The following WWTR1 variants were observed in gnomAD, a reference collection of about 807,000 sequenced individuals.
WWTR1 encodes WW domain containing transcription regulator 1.
In WWTR1, 13 loss-of-function variants were observed where a neutral mutation model predicts 40.1. That is an observed-to-expected ratio of 0.32 (90% confidence interval 0.21 to 0.52). The LOEUF (loss-of-function observed/expected upper bound fraction) is 0.52, where lower values mean the gene tolerates loss of function less well. Among genes scored for constraint, WWTR1 ranks in the 20% least tolerant of loss-of-function variants. WWTR1 has a pLI of 0.97. For synonymous variants in WWTR1, 230 were observed against 210.1 expected (o/e 1.09, Z -0.82); for missense variants, 436 against 523.1 (o/e 0.83, Z 1.63).
chr3:149,560,967 C>CA (rs1360191241), intron 3 of WWTR1, among the ~76,000 whole-genome samples: 16 of 149,882 alleles, frequency 1.1e-4, no homozygotes, highest in African/African-American at 3.2e-4. Flanking sequence ...CCCCCCCCCG[C>CA]AAAAAATCCC....
chr3:149,624,423 C>T (rs1388146224), intron 2 of WWTR1, among the ~76,000 whole-genome samples: 3 of 152,222 alleles, frequency 2.0e-5, no homozygotes, highest in Admixed American at 6.5e-5. Context: ...GTGAGCTAGA[C>T]CTCTGTCATC....
At chr3:149,567,050 T>C (rs1284474665) in intron 3 of WWTR1, among the ~76,000 whole-genome samples, 1 of 152,088 alleles carries the variant, frequency 6.6e-6, no homozygotes. Flanking sequence ...GTGAAGTTGT[T>C]ATAGTCTTTA....
At chr3:149,532,141 C>G (rs56660594) in intron 4 of WWTR1, among the ~76,000 whole-genome samples, 122 of 152,288 alleles carry the variant, frequency 8.0e-4, no homozygotes, top group African/African-American at 2.9e-3. Context: ...ATAATAAGAG[C>G]ACCCACCCAA....
intron 1 of WWTR1, among the ~76,000 whole-genome samples, chr3:149,693,692 C>T (rs1388557278): frequency 6.6e-6 from 1 of 152,080 alleles, no homozygotes; most frequent in African/African-American, 2.4e-5. Flanking sequence ...TCAATCTATA[C>T]ATCTACAGTG....
At chr3:149,610,306 T>G (rs548347814) in intron 2 of WWTR1, among the ~76,000 whole-genome samples, 125 of 152,224 alleles carry the variant, frequency 8.2e-4, no homozygotes, top group Non-Finnish European at 1.6e-3. Context: ...TTTGTTTGAT[T>G]TTGTTTCATA....
intron 2 of WWTR1, among the ~76,000 whole-genome samples, chr3:149,611,552 C>A (rs934681436): frequency 6.6e-6 from 1 of 152,174 alleles, no homozygotes; most frequent in African/African-American, 2.4e-5. Context: ...TATGAAAGAA[C>A]TGACATTTGA....
At chr3:149,611,235 G>A (rs1444846525) in intron 2 of WWTR1, among the ~76,000 whole-genome samples, 3 of 152,104 alleles carry the variant, frequency 2.0e-5, no homozygotes, top group Non-Finnish European at 4.4e-5. Context: ...CAAAATGTAC[G>A]CAGAACCAAG....
chr3:149,672,986 TAA>T (rs1451727409), intron 1 of WWTR1, among the ~76,000 whole-genome samples: 3 of 152,034 alleles, frequency 2.0e-5, no homozygotes, highest in Non-Finnish European at 4.4e-5. Context: ...CCTATCTACT[TAA>T]TGAAAAAGAA....
intron 2 of WWTR1, among the ~76,000 whole-genome samples, chr3:149,592,178 C>T (rs887998128): frequency 1.3e-5 from 2 of 152,168 alleles, no homozygotes; most frequent in African/African-American, 4.8e-5. Flanking sequence ...TTATATTCCT[C>T]TCCTAATATT....
At chr3:149,561,687 C>T (rs549925419) in intron 3 of WWTR1, among the ~76,000 whole-genome samples, 8 of 152,274 alleles carry the variant, frequency 5.3e-5, no homozygotes, top group South Asian at 2.1e-4. Context: ...AGTATCTCAA[C>T]GGAGTGGAAC....
intron 3 of WWTR1, among the ~76,000 whole-genome samples, chr3:149,543,595 A>AG (rs1736232623): frequency 6.7e-6 from 1 of 149,400 alleles, no homozygotes; most frequent in Non-Finnish European, 1.5e-5. Context: ...AAAAAAAAAA[A>AG]AAAAAAAAGA....
intron 2 of WWTR1, among the ~76,000 whole-genome samples, chr3:149,640,010 A>AAAAAAGAAAG (rs1553802828): frequency 3.7e-4 from 52 of 140,330 alleles, no homozygotes; most frequent in Non-Finnish European, 6.9e-4. Flanking sequence ...AAAAAAAAAA[A>AAAAAAGAAAG]AAAGAAAGAA....
At chr3:149,575,098 A>G (rs7630736) in intron 2 of WWTR1, among the ~76,000 whole-genome samples, 5 of 131,470 alleles carry the variant, frequency 3.8e-5, no homozygotes, top group Admixed American at 3.8e-4. Context: ...CATCCCCCCC[A>G]AAAAAAAAAG....
rs190938079 is a variant in WWTR1, at chr3:149,655,817, G to A, written c.431+1059C>T. ...CATCAAATATTAGTGCCAAAGAAAG[G>A]CTTGATTAAACTTTTAAAATTGTAC... On this transcript the variant is annotated intron_variant, in intron 2 of 6. Transcript: ENST00000360632. Among the ~76,000 whole-genome samples, 303 of 152,288 alleles carry A rather than the reference G, an allele frequency of 2.0e-3. 3 individuals carry two copies. Among genetic ancestry groups the A allele is most frequent in the Non-Finnish European group, 3.6e-3 (247 of 68,016 alleles).
chr3:149,686,171 C>A (rs115044238), intron 1 of WWTR1, among the ~76,000 whole-genome samples: 4 of 152,134 alleles, frequency 2.6e-5, no homozygotes, highest in Non-Finnish European at 4.4e-5. Flanking sequence ...TGATGCAGTG[C>A]CCCACAATGA....
At chr3:149,601,535 C>G (rs1007339748) in intron 2 of WWTR1, among the ~76,000 whole-genome samples, 1 of 152,096 alleles carries the variant, frequency 6.6e-6, no homozygotes, top group Non-Finnish European at 1.5e-5. Flanking sequence ...CCCAAAAATG[C>G]CCAGGCATGA....
chr3:149,626,826 C>T (rs572088580), intron 2 of WWTR1, among the ~76,000 whole-genome samples: 4 of 152,212 alleles, frequency 2.6e-5, no homozygotes, highest in Admixed American at 2.0e-4. Flanking sequence ...TGGCACACAG[C>T]GCACAGGTTG....
chr3:149,637,480 C>T (rs748436369), intron 2 of WWTR1, among the ~76,000 whole-genome samples: 2 of 152,048 alleles, frequency 1.3e-5, no homozygotes, highest in Non-Finnish European at 1.5e-5. Context: ...ATCCACCCAC[C>T]TCGGCCTCCC....
Position 149,663,096 on chromosome 3 carries a change from A to G in WWTR1, c.-3-5787T>C, listed in dbSNP as rs574936639. ...CACCCAGGCTGGAGTGCAATGGCGCAATCTCAGCTCACTGCAACATCCGCC... is the reference window on the plus strand; with the variant it reads ...CACCCAGGCTGGAGTGCAATGGCGCGATCTCAGCTCACTGCAACATCCGCC... On this transcript the variant is annotated intron_variant, in intron 2 of 7. Coordinates refer to the WWTR1 transcript ENST00000465804. Among the ~76,000 whole-genome samples the G allele has an allele frequency of 9.9e-5, 15 of 152,116 alleles. No homozygotes were observed. The South Asian group carries it at 3.1e-3, about 32-fold the overall frequency.
Sources: allele counts gnomAD v4.1 joint callset (sites outside exome capture counted in the v4.1 genomes callset), GRCh38; gene constraint gnomAD v4.1.1; transcripts MANE v1.5; gene names NCBI Gene and HGNC (gene_info 2026-07-23, HGNC 2026-07-21).